CAMTA1: variants seen among roughly 807,000 people sequenced by gnomAD.
CAMTA1 encodes the protein calmodulin-binding transcription activator 1.
A neutral mutation model predicts 170.9 loss-of-function variants in CAMTA1; 27 were observed. The observed-to-expected ratio is 0.16, with a 90% CI of 0.12 to 0.22. The LOEUF (loss-of-function observed/expected upper bound fraction) is 0.22, where lower values mean the gene tolerates loss of function less well. CAMTA1 is among the 10% of genes least tolerant of loss of function. The pLI, the probability that CAMTA1 is intolerant of heterozygous loss-of-function variation, is 1.00. For missense variants in CAMTA1, 1,619 were observed against 2,217.2 expected, an observed-to-expected ratio of 0.73 and a Z score of 5.42; for synonymous variants, 833 against 891.5, an observed-to-expected ratio of 0.93 and a Z score of 1.17.
At chr1:7,042,007 A>G (rs1214532922) in intron 3 of CAMTA1, among the ~76,000 whole-genome samples, 1 of 152,140 alleles carries the variant, frequency 6.6e-6, no homozygotes, top group African/African-American at 2.4e-5. Context: ...GAGAGTTTTT[A>G]GGGTTTAAAG....
chr1:7,096,982 C>T (rs932141196), intron 4 of CAMTA1, among the ~76,000 whole-genome samples: 1 of 152,168 alleles, frequency 6.6e-6, no homozygotes, highest in Non-Finnish European at 1.5e-5. Context: ...TGGGGAGCTG[C>T]TGGCTGCTCT....
intron 3 of CAMTA1, among the ~76,000 whole-genome samples, chr1:7,057,331 A>G (rs1707499353): frequency 6.6e-6 from 1 of 152,192 alleles, no homozygotes; most frequent in Non-Finnish European, 1.5e-5. Flanking sequence ...GATCTTTCGA[A>G]GCACCTGCGT....
chr1:7,149,251 G>A (rs935918426), intron 4 of CAMTA1, among the ~76,000 whole-genome samples: 3 of 152,200 alleles, frequency 2.0e-5, no homozygotes, highest in African/African-American at 7.2e-5. Flanking sequence ...CTCCCTGAAG[G>A]ACAGGGTTTT....
chr1:7,118,158 T>A (rs1644442813), intron 4 of CAMTA1, among the ~76,000 whole-genome samples: 1 of 152,120 alleles, frequency 6.6e-6, no homozygotes, highest in African/African-American at 2.4e-5. Context: ...CAGCTCTGAT[T>A]GCTGGGAAAA....
intron 3 of CAMTA1, among the ~76,000 whole-genome samples, chr1:6,827,946 G>T (rs1647749390): frequency 6.6e-6 from 1 of 152,110 alleles, no homozygotes; most frequent in Non-Finnish European, 1.5e-5. Context: ...CCACTGAAGG[G>T]GCTCACACTG....
At chr1:7,707,067 G>T (rs975341508) in intron 11 of CAMTA1, among the ~76,000 whole-genome samples, 1 of 151,528 alleles carries the variant, frequency 6.6e-6, no homozygotes, top group Non-Finnish European at 1.5e-5. Context: ...TTGTATTTTG[G>T]TGGAGATGGG....
At chr1:7,535,656 A>G (rs2094540689) in intron 6 of CAMTA1, among the ~76,000 whole-genome samples, 1 of 152,162 alleles carries the variant, frequency 6.6e-6, no homozygotes, top group South Asian at 2.1e-4. Flanking sequence ...ATGCAAACAC[A>G]GGAGACTTGG....
chr1:6,978,283 G>A (rs913371258), intron 3 of CAMTA1, among the ~76,000 whole-genome samples: 17 of 152,084 alleles, frequency 1.1e-4, no homozygotes, highest in Non-Finnish European at 2.5e-4. Context: ...CTCATTCTCC[G>A]TGATGTGATT....
intron 3 of CAMTA1, among the ~76,000 whole-genome samples, chr1:6,945,968 C>A (rs772258956): frequency 7.9e-5 from 12 of 152,198 alleles, no homozygotes; most frequent in Non-Finnish European, 1.6e-4. Flanking sequence ...TTTGACCCAT[C>A]TTGTATAATC....
intron 3 of CAMTA1, among the ~76,000 whole-genome samples, chr1:6,960,872 G>T (rs760422775): frequency 6.6e-6 from 1 of 152,196 alleles, no homozygotes; most frequent in Non-Finnish European, 1.5e-5. Context: ...CTTTACATAT[G>T]TGAAAGGATT....
chr1:6,949,832 C>G (rs1688177747), intron 3 of CAMTA1, among the ~76,000 whole-genome samples: 1 of 152,282 alleles, frequency 6.6e-6, no homozygotes, highest in Admixed American at 6.5e-5. Flanking sequence ...ACCAGGCCTT[C>G]TGCCCTCGGC....
rs1646211934 is a variant in CAMTA1 at position 7,146,755 on chromosome 1, T to TGCACACAC, written c.302+55385_302+55392dup. ...CAAACACACACTCAAACATAAACCA[T>TGCACACAC]GCACACACACACACTTGAGCATCAT... is the stretch of plus-strand genomic sequence containing the variant. On this transcript the variant is annotated intron_variant, in intron 4 of 22. Coordinates refer to ENST00000303635, the MANE Select transcript of CAMTA1 (RefSeq NM_015215.4). This position sits in a 1 kb window ranked among gnomAD's most constrained non-coding sequence, Gnocchi z 4.3. Among the ~76,000 whole-genome samples, 1 of 151,168 alleles carries TGCACACAC rather than the reference T, an allele frequency of 6.6e-6. No homozygotes were observed. Among genetic ancestry groups the TGCACACAC allele is most frequent in the Admixed American group, 6.6e-5 (1 of 15,166 alleles).
At chr1:7,581,848 C>G (rs1226271154) in intron 6 of CAMTA1, among the ~76,000 whole-genome samples, 5 of 152,214 alleles carry the variant, frequency 3.3e-5, no homozygotes, top group Non-Finnish European at 7.3e-5. Flanking sequence ...TTGAGCTCCT[C>G]CTTTAAGCCA....
chr1:7,762,897 T>C (rs11587880), intron 22 of CAMTA1, among the ~76,000 whole-genome samples: 18,272 of 152,258 alleles, frequency 0.12, 1,509 homozygotes, highest in East Asian at 0.28. Flanking sequence ...TAATTGTTGT[T>C]AATTTCATCT....
At chr1:7,611,443 G>C (rs2095523112) in intron 6 of CAMTA1, among the ~76,000 whole-genome samples, 1 of 152,204 alleles carries the variant, frequency 6.6e-6, no homozygotes, top group East Asian at 1.9e-4. Context: ...CTGAGTCCAG[G>C]AGGAGGCCAG....
chr1:6,836,066 T>C (rs1319020000), intron 3 of CAMTA1, among the ~76,000 whole-genome samples: 1 of 152,062 alleles, frequency 6.6e-6, no homozygotes, highest in Admixed American at 6.5e-5. Context: ...TGTCTACCTG[T>C]CTACCTGCCT....
intron 11 of CAMTA1, among the ~76,000 whole-genome samples, chr1:7,721,017 C>G (rs2096646367): frequency 6.6e-6 from 1 of 152,150 alleles, no homozygotes; most frequent in Admixed American, 6.6e-5. Flanking sequence ...GTTTGGATGA[C>G]CTCATCAATA....
intron 6 of CAMTA1, among the ~76,000 whole-genome samples, chr1:7,530,792 G>A (rs1417401264): frequency 1.4e-5 from 2 of 143,486 alleles, no homozygotes; most frequent in Admixed American, 7.0e-5. Flanking sequence ...ACTAAAGTAT[G>A]TCCAGCACTG....
chr1:7,370,863 C>T (rs189523237), intron 5 of CAMTA1, among the ~76,000 whole-genome samples: 21 of 151,762 alleles, frequency 1.4e-4, no homozygotes, highest in Admixed American at 7.9e-4. Context: ...TTTCAGAGCC[C>T]GCCATTATTG....
Sources: allele counts gnomAD v4.1 joint callset (sites outside exome capture counted in the v4.1 genomes callset), GRCh38; gene constraint gnomAD v4.1.1; non-coding constraint Gnocchi (gnomAD v3.1); transcripts MANE v1.5; gene names NCBI Gene and HGNC (gene_info 2026-07-23, HGNC 2026-07-21).